Variants in DMRT1 observed in about 807,000 individuals in gnomAD.
DMRT1 encodes doublesex and mab-3 related transcription factor 1.
A neutral mutation model predicts 32.3 loss-of-function variants in DMRT1; 7 were observed. That is an observed-to-expected ratio of 0.22 (90% CI 0.12 to 0.41). The LOEUF (loss-of-function observed/expected upper bound fraction) is 0.41. DMRT1 is among the 10% of genes least tolerant of loss of function. The pLI is 1.00. For synonymous variants in DMRT1, 278 were observed against 206.1 expected (o/e 1.35, Z -2.99); for missense variants, 625 against 500.5 (o/e 1.25, Z -2.37).
In DMRT1 at chr9:893,893, CT is replaced by C. The variant is rs1817246302; in HGVS notation, c.539-13del. The C allele has an allele frequency of 5.6e-6, 9 of 1,610,944 alleles. No homozygotes were observed. The East Asian group carries it at 1.8e-4, about 32-fold the overall frequency. On this transcript the variant is annotated intron_variant, in intron 2 of 4. Transcript: ENST00000382276. ...AACATTAATACCATGTTGTATTTTTCTTTTTTCTTCCAATTTAGAGGGACGT... is the reference window on the plus strand; with the variant it reads ...AACATTAATACCATGTTGTATTTTTCTTTTTCTTCCAATTTAGAGGGACGT...
chr9:931,235 G>T (rs1320921937), intron 4 of DMRT1, among the ~76,000 whole-genome samples: 1 of 152,196 alleles, frequency 6.6e-6, no homozygotes, highest in African/African-American at 2.4e-5. Context: ...ATTATATGGA[G>T]GGGCTTGGTT....
intron 2 of DMRT1, among the ~76,000 whole-genome samples, chr9:862,371 C>T (rs1355736671): frequency 3.3e-5 from 5 of 151,994 alleles, no homozygotes; most frequent in South Asian, 2.1e-4. Context: ...TGTGGCGGCG[C>T]GCGCCTGCAG....
At chr9:850,738 T>C (rs1031384813) in intron 2 of DMRT1, among the ~76,000 whole-genome samples, 3 of 75,152 alleles carry the variant, frequency 4.0e-5, no homozygotes, top group African/African-American at 1.1e-4. Flanking sequence ...ACTGTATAGA[T>C]GTGAGGCCAG....
chr9:921,897 C>A (rs1372335446), intron 4 of DMRT1, among the ~76,000 whole-genome samples: 2 of 152,094 alleles, frequency 1.3e-5, no homozygotes, highest in Non-Finnish European at 2.9e-5. Flanking sequence ...CACTGCATCA[C>A]GACACAGCCC....
chr9:858,866 AAAAAATATAT>A lies in DMRT1; in HGVS notation c.538+11725_538+11734del, dbSNP rs1304215616. On this transcript the variant is annotated intron_variant, in intron 2 of 4. Transcript: ENST00000382276. ...TCCAGTCTGTCTCAAAAAAAAAAAA[AAAAAATATAT>A]ATATATATATATATATATTTATCAT... Among the ~76,000 whole-genome samples the A allele has an allele frequency of 5.4e-3, 126 of 23,168 alleles. 1 individual carries two copies. The highest frequency in any genetic ancestry group is 0.025 in the South Asian group (13 of 530). The allele number at this position is 23,168 out of a possible 152,430, so 15.2% of individuals were successfully genotyped here.
At position 842,016 on chromosome 9, in the gene DMRT1, G is replaced by A. The variant is rs771367857; in HGVS notation, c.178G>A (p.Ala60Thr). ...SSRGGGSGSGASDLGAGSKKS... is the reference protein window; with the variant it reads ...SSRGGGSGSGTSDLGAGSKKS... ...CAGAGGAGGCGGCTCCGGCTCCGGG[G>A]CGTCGGACCTGGGTGCCGGGAGCAA... The change falls in exon 1 of 5, where the codon GCG (alanine) becomes ACG (threonine). Residue 60 changes from alanine to threonine, a missense_variant. Transcript: ENST00000382276. 1.9e-6 allele frequency: 3 copies of A among 1,552,038 alleles called. No homozygotes were observed. The highest frequency in any genetic ancestry group is 2.6e-6 in the Non-Finnish European group (3 of 1,150,724).
At chr9:954,641 T>C (rs1443120132) in intron 4 of DMRT1, among the ~76,000 whole-genome samples, 1 of 152,026 alleles carries the variant, frequency 6.6e-6, no homozygotes, top group Non-Finnish European at 1.5e-5. Context: ...GTTTGGGCTT[T>C]ATTTTATTAT....
rs754142920 is a variant in DMRT1 at position 847,034 on chromosome 9, C to T, written c.429C>T (p.Ala143=). The part of the protein sequence containing the change: ...ISHPIPLPSA[A]ELLVKRENNG... ...ACCCCATCCCACTGCCCAGTGCGGC[C>T]GAGCTGCTTGTCAAAAGAGAGAACA... Residue 143 remains alanine, a synonymous_variant, in exon 2 of 5, where the codon GCC becomes GCT. Coordinates refer to ENST00000382276, the MANE Select transcript of DMRT1 (RefSeq NM_021951.3). 5.8e-5 allele frequency: 93 copies of T among 1,613,998 alleles called. No homozygotes were observed. The highest frequency in any genetic ancestry group is 8.3e-5 in the Admixed American group (5 of 60,000).
At position 846,945 on chromosome 9, in the gene DMRT1, G is replaced by C; in HGVS notation, c.355-15G>C. On this transcript the variant is annotated splice_polypyrimidine_tract_variant and intron_variant, in intron 1 of 4. Transcript: ENST00000382276. ...CTGGAGTGCTGGAGGATGACTCATTGTCGTGTGCTTCCAGGTGGCCCTGAG... is the reference window on the plus strand; with the variant it reads ...CTGGAGTGCTGGAGGATGACTCATTCTCGTGTGCTTCCAGGTGGCCCTGAG... The C allele has an allele frequency of 6.2e-7, 1 of 1,614,068 alleles. No homozygotes were observed. The highest frequency in any genetic ancestry group is 1.1e-5 in the South Asian group (1 of 91,084).
chr9:926,542 A>G (rs1169591912), intron 4 of DMRT1, among the ~76,000 whole-genome samples: 1 of 152,172 alleles, frequency 6.6e-6, no homozygotes, highest in African/African-American at 2.4e-5. Flanking sequence ...ATGTTATTTA[A>G]TCTTCACCTA....
chr9:913,647 C>T (rs1350602471), intron 3 of DMRT1, among the ~76,000 whole-genome samples: 2 of 151,138 alleles, frequency 1.3e-5, no homozygotes, highest in African/African-American at 4.9e-5. Flanking sequence ...GTAATCTCAG[C>T]ACTTTGGGAT....
At chr9:871,122 C>A (rs943758484) in intron 2 of DMRT1, among the ~76,000 whole-genome samples, 18 of 151,854 alleles carry the variant, frequency 1.2e-4, no homozygotes, top group South Asian at 4.2e-4. Flanking sequence ...TTGCAACCTT[C>A]GCCTTCTGGG....
At chr9:864,133 G>T (rs913448566) in intron 2 of DMRT1, among the ~76,000 whole-genome samples, 18 of 152,184 alleles carry the variant, frequency 1.2e-4, no homozygotes, top group African/African-American at 4.3e-4. Context: ...CCATTCTTCA[G>T]TCCAAATGAA....
chr9:858,861 AAAAAAAAAAAT>A lies in DMRT1; in HGVS notation c.538+11720_538+11730del, dbSNP rs199678103. 6.6e-3 allele frequency among the ~76,000 whole-genome samples: 366 copies of A among 55,420 alleles called. 5 individuals are homozygous for A. The highest frequency in any genetic ancestry group is 0.036 in the Admixed American group (198 of 5,516). 36.4% of individuals were successfully genotyped at this position (55,420 alleles called of 152,430 possible). A position where few individuals can be genotyped will look rare whatever the true frequency, so the allele number is the denominator to read the frequency against. On this transcript the variant is annotated intron_variant, in intron 2 of 4. Transcript: ENST00000382276. ...TGCACTCCAGTCTGTCTCAAAAAAA[AAAAAAAAAAAT>A]ATATATATATATATATATATATTTA...
chr9:881,068 A>G (rs979371585), intron 2 of DMRT1, among the ~76,000 whole-genome samples: 1 of 152,092 alleles, frequency 6.6e-6, no homozygotes, highest in Non-Finnish European at 1.5e-5. Context: ...CTGTCACGCA[A>G]AGTGGTCTGG....
intron 4 of DMRT1, among the ~76,000 whole-genome samples, chr9:940,677 C>T (rs535261056): frequency 5.9e-5 from 9 of 151,284 alleles, no homozygotes; most frequent in African/African-American, 1.9e-4. Flanking sequence ...GCTCAGGTAA[C>T]AAAAGGAAAA....
intron 4 of DMRT1, among the ~76,000 whole-genome samples, chr9:966,678 G>A (rs1054108113): frequency 1.3e-5 from 2 of 152,178 alleles, no homozygotes; most frequent in Non-Finnish European, 2.9e-5. Flanking sequence ...TTTTATTTCT[G>A]TGTGGTTCCA....
chr9:867,396 C>T (rs972524734), intron 2 of DMRT1, among the ~76,000 whole-genome samples: 2 of 152,206 alleles, frequency 1.3e-5, no homozygotes, highest in Admixed American at 6.5e-5. Flanking sequence ...GCCTCCTAAG[C>T]ATGCAGTCGG....
At chr9:864,827 C>T (rs1034134424) in intron 2 of DMRT1, among the ~76,000 whole-genome samples, 2 of 152,036 alleles carry the variant, frequency 1.3e-5, no homozygotes, top group Non-Finnish European at 1.5e-5. Flanking sequence ...TTCTATTCCT[C>T]AGTTCAATTT....
Sources: gnomAD v4.1 joint callset for allele counts (sites outside exome capture counted in the v4.1 genomes callset) on GRCh38, gnomAD v4.1.1 for gene constraint, MANE v1.5 for transcripts, NCBI Gene and HGNC (gene_info 2026-07-23, HGNC 2026-07-21) for gene names.